Variants in NCKAP5 observed in about 807,000 individuals in gnomAD.
NCKAP5 encodes the protein NCK associated protein 5.
Under a neutral mutation model 167.0 loss-of-function variants are expected in NCKAP5, and 92 were observed. The ratio of observed to expected loss-of-function variants is 0.55; its 90% CI spans 0.47 to 0.66. The LOEUF is 0.66. Ranked by LOEUF, NCKAP5 falls within the 30% of genes least tolerant of loss-of-function variation. The pLI is 0.00. For synonymous variants in NCKAP5, 891 were observed against 877.4 expected, an observed-to-expected ratio of 1.02 and a Z score of -0.27; for missense variants, 2,378 against 2,315.0, an observed-to-expected ratio of 1.03 and a Z score of -0.56.
At chr2:133,257,786 C>A (rs1405671325) in intron 4 of NCKAP5, among the ~76,000 whole-genome samples, 2 of 152,166 alleles carry the variant, frequency 1.3e-5, no homozygotes, top group African/African-American at 2.4e-5. Context: ...GTGCTAAAAT[C>A]TTTGCATAGA....
intron 11 of NCKAP5, among the ~76,000 whole-genome samples, chr2:132,817,082 G>A (rs1183640097): frequency 6.6e-6 from 1 of 152,102 alleles, no homozygotes; most frequent in Non-Finnish European, 1.5e-5. Flanking sequence ...CTTTCTTACT[G>A]ATTTTACCGA....
intron 3 of NCKAP5, among the ~76,000 whole-genome samples, chr2:133,471,883 A>G (rs1196950558): frequency 6.6e-6 from 1 of 152,156 alleles, no homozygotes; most frequent in Non-Finnish European, 1.5e-5. Flanking sequence ...TCAAGTCTCA[A>G]ACTTTCACGA....
At chr2:132,979,243 CT>C in intron 7 of NCKAP5, among the ~76,000 whole-genome samples, 1 of 152,132 alleles carries the variant, frequency 6.6e-6, no homozygotes, top group Non-Finnish European at 1.5e-5. Context: ...AGAGTCCTGT[CT>C]TTTTTTTCAT....
In NCKAP5 at chr2:132,869,353, C is replaced by T. The variant is rs186498645; in HGVS notation, c.649-379G>A. On this transcript the variant is annotated intron_variant, in intron 9 of 19. Transcript: ENST00000409261. ...CTACACTTTGCTGATTTACAATATC[C>T]TTTGCCTGTCCTTCCTATTCCTTTG... Among the ~76,000 whole-genome samples the T allele has an allele frequency of 2.6e-5, 4 of 152,252 alleles. No homozygotes were observed. The East Asian group carries it at 7.7e-4, about 29-fold the overall frequency.
intron 8 of NCKAP5, among the ~76,000 whole-genome samples, chr2:132,906,441 G>T (rs1164014333): frequency 6.6e-6 from 1 of 152,186 alleles, no homozygotes; most frequent in Non-Finnish European, 1.5e-5. Flanking sequence ...TCGCCATGCA[G>T]AGGTGATATG....
At chr2:133,326,198 G>A (rs2150698520) in intron 3 of NCKAP5, among the ~76,000 whole-genome samples, 1 of 152,316 alleles carries the variant, frequency 6.6e-6, no homozygotes, top group African/African-American at 2.4e-5. Flanking sequence ...GCTCAGGCCT[G>A]TAATCCCAGC....
chr2:133,386,437 T>C (rs943068949), intron 3 of NCKAP5, among the ~76,000 whole-genome samples: 3 of 152,222 alleles, frequency 2.0e-5, no homozygotes, highest in Non-Finnish European at 4.4e-5. Flanking sequence ...TTCTCTTCTT[T>C]TCCATTTGCT....
chr2:132,909,238 C>T (rs1694247862), intron 8 of NCKAP5, among the ~76,000 whole-genome samples: 1 of 152,046 alleles, frequency 6.6e-6, no homozygotes, highest in African/African-American at 2.4e-5. Flanking sequence ...CCCAGCTACT[C>T]AGGAGGCTGA....
chr2:133,397,245 C>T (rs998091847), intron 3 of NCKAP5, among the ~76,000 whole-genome samples: 1 of 152,194 alleles, frequency 6.6e-6, no homozygotes, highest in Non-Finnish European at 1.5e-5. Flanking sequence ...TATGGCTGTT[C>T]ACCCAACTCT....
chr2:133,390,697 G>A (rs1255379586), intron 3 of NCKAP5, among the ~76,000 whole-genome samples: 58 of 151,974 alleles, frequency 3.8e-4, no homozygotes, highest in Non-Finnish European at 2.9e-5. Context: ...AATCACTTTG[G>A]GAATTAAAAA....
chr2:133,170,133 G>A (rs1325902302), intron 5 of NCKAP5, among the ~76,000 whole-genome samples: 1 of 152,106 alleles, frequency 6.6e-6, no homozygotes, highest in Non-Finnish European at 1.5e-5. Flanking sequence ...TGGCCAGAAG[G>A]ATGGGCATTT....
intron 6 of NCKAP5, among the ~76,000 whole-genome samples, chr2:133,115,298 C>T (rs954834781): frequency 5.9e-5 from 9 of 152,126 alleles, no homozygotes; most frequent in Non-Finnish European, 1.5e-5. Flanking sequence ...CCTCAGACTG[C>T]TATGACAAAA....
chr2:132,856,036 C>T (rs571180358), intron 11 of NCKAP5, among the ~76,000 whole-genome samples: 12 of 152,068 alleles, frequency 7.9e-5, no homozygotes, highest in Admixed American at 6.5e-4. Flanking sequence ...TGGTGGCGGG[C>T]GCCTGTAGTC....
the NCKAP5 span, among the ~76,000 whole-genome samples, chr2:133,600,384 C>T: frequency 6.6e-6 from 1 of 152,112 alleles, no homozygotes; most frequent in Admixed American, 6.6e-5. Flanking sequence ...GAGAAGTTGG[C>T]CTCTAGGGAA....
At chr2:132,976,421 G>A (rs539936601) in intron 7 of NCKAP5, among the ~76,000 whole-genome samples, 32 of 151,954 alleles carry the variant, frequency 2.1e-4, no homozygotes, top group African/African-American at 5.3e-4. Flanking sequence ...AAAATTAGCC[G>A]GGCATGGTGG....
chr2:133,304,752 C>T (rs1680653699), intron 3 of NCKAP5, among the ~76,000 whole-genome samples: 1 of 152,196 alleles, frequency 6.6e-6, no homozygotes, highest in Non-Finnish European at 1.5e-5. Flanking sequence ...AAGAGCTGTT[C>T]TAAGTGCTGC....
intron 3 of NCKAP5, among the ~76,000 whole-genome samples, chr2:133,377,699 T>G (rs901675311): frequency 6.6e-6 from 1 of 152,186 alleles, no homozygotes; most frequent in African/African-American, 2.4e-5. Context: ...ACCTACCGTG[T>G]GCAAAGCAGT....
At chr2:132,900,185 T>C (rs34177496) in intron 8 of NCKAP5, among the ~76,000 whole-genome samples, 1 of 152,096 alleles carries the variant, frequency 6.6e-6, no homozygotes, top group African/African-American at 2.4e-5. Flanking sequence ...CCATAACAGC[T>C]GTAATAATAA....
chr2:132,848,872 A>C (rs1688871995), intron 11 of NCKAP5, among the ~76,000 whole-genome samples: 1 of 152,218 alleles, frequency 6.6e-6, no homozygotes, highest in Non-Finnish European at 1.5e-5. Flanking sequence ...AAGTGAACAG[A>C]AAAAGCTAAA....
Sources: allele counts gnomAD v4.1 joint callset (sites outside exome capture counted in the v4.1 genomes callset), GRCh38; gene constraint gnomAD v4.1.1; transcripts MANE v1.5; gene names NCBI Gene and HGNC (gene_info 2026-07-23, HGNC 2026-07-21).